Variants in ZNF724 observed in about 807,000 individuals in gnomAD.
The protein encoded by ZNF724 is zinc finger protein 724, also known as zinc finger protein 724 pseudogene.
ZNF724 carries 14 observed loss-of-function variants against 29.3 expected under a neutral mutation model. The observed-to-expected ratio is 0.48, with a 90% CI of 0.32 to 0.75. The LOEUF (loss-of-function observed/expected upper bound fraction) is 0.75. Among genes scored for constraint, ZNF724 ranks in the 30% least tolerant of loss-of-function variants. ZNF724 has a pLI of 0.04. For missense variants in ZNF724, 557 were observed against 571.2 expected (o/e 0.98, Z 0.25); for synonymous variants, 180 against 193.6 (o/e 0.93, Z 0.58).
intron 3 of ZNF724, among the ~76,000 whole-genome samples, chr19:23,227,422 G>A (rs1971852517): frequency 6.6e-6 from 1 of 151,586 alleles, no homozygotes; most frequent in African/African-American, 2.4e-5. Context: ...CAGGCGTGGT[G>A]GTGCATGTCT....
At chr19:23,242,391 C>T (rs1245673324) in intron 1 of ZNF724, among the ~76,000 whole-genome samples, 2 of 151,770 alleles carry the variant, frequency 1.3e-5, no homozygotes, top group East Asian at 3.9e-4. Flanking sequence ...CCAGTCAGGA[C>T]AACATAAAGA....
chr19:23,243,956 A>T (rs951172886), intron 1 of ZNF724, among the ~76,000 whole-genome samples: 19 of 151,660 alleles, frequency 1.3e-4, no homozygotes, highest in Admixed American at 4.6e-4. Context: ...AATAAATAAA[A>T]AAAAAAAAAT....
intron 1 of ZNF724, among the ~76,000 whole-genome samples, chr19:23,244,430 G>C (rs981418099): frequency 4.6e-5 from 7 of 152,152 alleles, no homozygotes; most frequent in African/African-American, 1.7e-4. Flanking sequence ...GGTGGCAACT[G>C]TGGAAAGAGA....
At chr19:23,235,176 A>T (rs1972004381) in intron 1 of ZNF724, among the ~76,000 whole-genome samples, 1 of 152,256 alleles carries the variant, frequency 6.6e-6, no homozygotes, top group African/African-American at 2.4e-5. Flanking sequence ...GGAATAACAC[A>T]TTATGTGATT....
chr19:23,245,804 T>TA (rs1403301860), intron 1 of ZNF724, among the ~76,000 whole-genome samples: 1 of 152,090 alleles, frequency 6.6e-6, no homozygotes, highest in African/African-American at 2.4e-5. Flanking sequence ...CTTTGGAACT[T>TA]AATTTTTTAA....
At chr19:23,230,311 TAC>T (rs1971913131) in intron 3 of ZNF724, among the ~76,000 whole-genome samples, 1 of 152,136 alleles carries the variant, frequency 6.6e-6, no homozygotes, top group African/African-American at 2.4e-5. Flanking sequence ...CAAAGTGATC[TAC>T]AGATTTAATA....
chr19:23,243,688 T>G (rs887627522), intron 1 of ZNF724, among the ~76,000 whole-genome samples: 2 of 151,260 alleles, frequency 1.3e-5, no homozygotes, highest in East Asian at 2.0e-4. Flanking sequence ...TTTTGGAGGC[T>G]GAGTTGGGCA....
chr19:23,232,822 C>CT (rs1468575263), intron 1 of ZNF724, among the ~76,000 whole-genome samples: 1 of 151,294 alleles, frequency 6.6e-6, no homozygotes, highest in Non-Finnish European at 1.5e-5. Context: ...CTGTTTTTCC[C>CT]CCCAGTTTTT....
chr19:23,248,305 A>G (rs1362875721), intron 1 of ZNF724, among the ~76,000 whole-genome samples: 1 of 152,202 alleles, frequency 6.6e-6, no homozygotes, highest in Non-Finnish European at 1.5e-5. Context: ...TTAGGGAAAG[A>G]AAGTTGACAG....
At chr19:23,233,408 C>T (rs1228881233) in intron 1 of ZNF724, among the ~76,000 whole-genome samples, 1 of 151,828 alleles carries the variant, frequency 6.6e-6, no homozygotes, top group South Asian at 2.1e-4. Context: ...CTGCATAGGG[C>T]TAATAGCAAA....
chr19:23,223,461 C>G lies in ZNF724; in HGVS notation c.784G>C (p.Ala262Pro). 1.3e-6 allele frequency: 1 copy of G among 762,586 alleles called. No homozygotes were observed. The highest frequency in any genetic ancestry group is 2.4e-6 in the Non-Finnish European group (1 of 409,820). 47.2% of individuals were successfully genotyped at this position (762,586 alleles called of 1,614,324 possible). The change falls in exon 4 of 4, where the codon GCT (alanine) becomes CCT (proline). Residue 262 changes from alanine to proline, a missense_variant. Coordinates refer to ENST00000418100, the MANE Select transcript of ZNF724 (RefSeq NM_001355404.2). ...GTAAGGTGTGAGGATATGTTAAAAG[C>G]TTTTCCACATTCTTCACGTTTGTAG... ...KSYKREECGK[A>P]FNISSHLTTH... is the part of the protein sequence containing the mutation.
At chr19:23,234,290 T>C (rs1281093617) in intron 1 of ZNF724, among the ~76,000 whole-genome samples, 1 of 152,190 alleles carries the variant, frequency 6.6e-6, no homozygotes, top group African/African-American at 2.4e-5. Flanking sequence ...AAACAGAACC[T>C]GTGAAGAAGG....
Position 23,223,339 on chromosome 19 carries a change from T to C in ZNF724, c.906A>G (p.Ile302Met). ...NQSSTLTRHK[I>M]IHAGEKPYIC... ...TGTAGGGCTTCTCTCCAGCATGAAT[T>C]ATCTTATGTCTAGTAAGGGTTGATG... Residue 302 changes from isoleucine to methionine, a missense_variant, in exon 4 of 4, where the codon ATA becomes ATG. Around this residue, in one of 3 missense-constraint regions of ZNF724, gnomAD observed 362 missense variants for 295.5 expected, o/e 1.22. Coordinates refer to ENST00000418100, the MANE Select transcript of ZNF724 (RefSeq NM_001355404.2). 2 of 769,250 alleles carry C rather than the reference T, an allele frequency of 2.6e-6. No homozygotes were observed. Among genetic ancestry groups the C allele is most frequent in the Non-Finnish European group, 2.4e-6 (1 of 413,852 alleles). The allele number at this position is 769,250 out of a possible 1,614,324, so 47.7% of individuals were successfully genotyped here. A position where few individuals can be genotyped will look rare whatever the true frequency, so the allele number is the denominator to read the frequency against.
chr19:23,242,084 T>C (rs895409308), intron 1 of ZNF724, among the ~76,000 whole-genome samples: 2 of 151,936 alleles, frequency 1.3e-5, no homozygotes, highest in Non-Finnish European at 2.9e-5. Flanking sequence ...TACATCAACA[T>C]ACAAGCCAAA....
At chr19:23,240,633 T>C (rs1299925726) in intron 1 of ZNF724, among the ~76,000 whole-genome samples, 1 of 151,050 alleles carries the variant, frequency 6.6e-6, no homozygotes, top group African/African-American at 2.4e-5. Context: ...AAGCACATAA[T>C]TGCTTAAACC....
intron 3 of ZNF724, among the ~76,000 whole-genome samples, chr19:23,230,559 C>T (rs1206645554): frequency 6.6e-6 from 1 of 152,082 alleles, no homozygotes; most frequent in Non-Finnish European, 1.5e-5. Context: ...AACCACTACT[C>T]TCACATATTT....
intron 1 of ZNF724, among the ~76,000 whole-genome samples, chr19:23,241,146 T>C (rs1453482113): frequency 2.0e-5 from 3 of 152,058 alleles, no homozygotes; most frequent in Admixed American, 1.3e-4. Flanking sequence ...ACACAAAAAC[T>C]AGAAAATCTA....
At chr19:23,247,914 T>G (rs1972271035) in intron 1 of ZNF724, among the ~76,000 whole-genome samples, 1 of 152,152 alleles carries the variant, frequency 6.6e-6, no homozygotes, top group Non-Finnish European at 1.5e-5. Context: ...ACTCCATACC[T>G]CAGCTTGTTC....
intron 3 of ZNF724, among the ~76,000 whole-genome samples, chr19:23,230,593 TTAA>T (rs998395371): frequency 6.6e-6 from 1 of 152,104 alleles, no homozygotes; most frequent in African/African-American, 2.4e-5. Flanking sequence ...GAAAGAAAAC[TTAA>T]TAGTTTAACA....
Sources: allele counts gnomAD v4.1 joint callset (sites outside exome capture counted in the v4.1 genomes callset), GRCh38; gene constraint gnomAD v4.1.1; regional missense constraint gnomAD v4.1.1; transcripts MANE v1.5; gene names NCBI Gene and HGNC (gene_info 2026-07-23, HGNC 2026-07-21).